SMS: variants seen among roughly 807,000 people sequenced by gnomAD.
The protein encoded by SMS is spermidine aminopropyltransferase.
Under a neutral mutation model 33.0 loss-of-function variants are expected in SMS, and 3 were observed. That is an observed-to-expected ratio of 0.09 (90% CI 0.04 to 0.23). SMS has a LOEUF of 0.23. Ranked by LOEUF, SMS falls within the 10% of genes least tolerant of loss-of-function variation. The pLI, the probability that SMS is intolerant of heterozygous loss-of-function variation, is 1.00. For synonymous variants in SMS, 103 were observed against 112.2 expected (o/e 0.92, Z 0.52); for missense variants, 117 against 288.6 (o/e 0.41, Z 4.31).
chrX:21,944,920 G>C, intron 1 of SMS, among the ~76,000 whole-genome samples: 1 of 107,925 alleles, frequency 9.3e-6, no homozygotes, highest in Admixed American at 9.6e-5. Flanking sequence ...TGGAGGTTAC[G>C]CTGAGCCCAG....
chrX:21,941,933 AAG>A (rs886893071), intron 1 of SMS, among the ~76,000 whole-genome samples: 2 of 100,607 alleles, frequency 2.0e-5, no homozygotes, highest in Admixed American at 1.1e-4. Context: ...ACCCGACCAG[AAG>A]AGAGAGGCCT....
intron 4 of SMS, 86 bp downstream of exon 4, chrX:21,972,657 C>A: frequency 1.5e-6 from 1 of 662,806 alleles, no homozygotes; most frequent in South Asian, 2.3e-5. Context: ...ACCTGTAATC[C>A]CAGCAATTTA....
At chrX:21,979,574 G>A (rs5904498) in intron 7 of SMS, among the ~76,000 whole-genome samples, 1,727 of 111,299 alleles carry the variant, frequency 0.016, 15 homozygotes, top group Non-Finnish European at 0.022. Context: ...TGGCATATAT[G>A]TGCCACATTT....
At position 21,940,743 on chromosome X, in the gene SMS, C is replaced by T; in HGVS notation, c.-82C>T. On this transcript the variant is annotated 5_prime_UTR_variant, in exon 1 of 11. Coordinates refer to ENST00000404933, the MANE Select transcript of SMS (RefSeq NM_004595.5). ...CTCCCCGGGCGCAGCACACTCCCAG[C>T]CGGCCGCAGCCTGACACGCCGCGCG... is the stretch of plus-strand genomic sequence containing the variant. 2 of 831,518 alleles carry T rather than the reference C, an allele frequency of 2.4e-6. No individual in the cohort carries two copies. The highest frequency in any genetic ancestry group is 2.2e-5 in the African/African-American group (1 of 46,498). 68.5% of individuals were successfully genotyped at this position (831,518 alleles called of 1,213,427 possible). A position where few individuals can be genotyped will look rare whatever the true frequency, so the allele number is the denominator to read the frequency against.
chrX:21,991,422 A>G (rs1161155758), intron 9 of SMS, among the ~76,000 whole-genome samples: 1 of 111,467 alleles, frequency 9.0e-6, no homozygotes, highest in African/African-American at 3.3e-5. Context: ...CAGGTGATCC[A>G]CCTGCCTCAG....
intron 2 of SMS, among the ~76,000 whole-genome samples, chrX:21,967,991 C>CT (rs1923863945): frequency 8.9e-6 from 1 of 112,506 alleles, no homozygotes; most frequent in Non-Finnish European, 1.9e-5. Flanking sequence ...ATCGGAGGGG[C>CT]TGGGGTCCAG....
chrX:21,966,251 A>T (rs1923713594), intron 1 of SMS, among the ~76,000 whole-genome samples: 1 of 112,151 alleles, frequency 8.9e-6, no homozygotes, highest in Non-Finnish European at 1.9e-5. Flanking sequence ...TTTCATTTTG[A>T]TATTTTTCCC....
intron 2 of SMS, among the ~76,000 whole-genome samples, chrX:21,968,300 G>C (rs749955442): frequency 2.7e-5 from 3 of 112,265 alleles, no homozygotes; most frequent in Middle Eastern, 8.4e-3. Context: ...GGGGAGCCCA[G>C]GTCCCTTCTC....
chrX:21,955,713 A>G (rs1305885512), intron 1 of SMS, among the ~76,000 whole-genome samples: 2 of 111,499 alleles, frequency 1.8e-5, no homozygotes, highest in Non-Finnish European at 1.9e-5. Flanking sequence ...TTCTCAAAAA[A>G]CATGGTCCTT....
chrX:21,947,294 C>T (rs1479614720), intron 1 of SMS, among the ~76,000 whole-genome samples: 1 of 111,294 alleles, frequency 9.0e-6, no homozygotes, highest in Non-Finnish European at 1.9e-5. Flanking sequence ...TGCAGCCTTT[C>T]GGGGCTGATG....
At chrX:21,941,933 A>T (rs1921837161) in intron 1 of SMS, among the ~76,000 whole-genome samples, 1 of 100,612 alleles carries the variant, frequency 9.9e-6, no homozygotes, top group African/African-American at 3.7e-5. Context: ...ACCCGACCAG[A>T]AGAGAGAGGC....
chrX:21,965,244 A>G (rs1178399473), intron 1 of SMS, among the ~76,000 whole-genome samples: 1 of 112,001 alleles, frequency 8.9e-6, no homozygotes, highest in Non-Finnish European at 1.9e-5. Context: ...GGAGATTAAG[A>G]TGTGGATATA....
intron 1 of SMS, among the ~76,000 whole-genome samples, chrX:21,964,892 C>G (rs1008510742): frequency 1.9e-4 from 21 of 112,015 alleles, no homozygotes; most frequent in South Asian, 3.7e-4. Context: ...GATGTATTCT[C>G]TCACAGCTCT....
intron 7 of SMS, among the ~76,000 whole-genome samples, chrX:21,982,208 G>A (rs1053349081): frequency 9.3e-6 from 1 of 108,039 alleles, no homozygotes; most frequent in Non-Finnish European, 1.9e-5. Context: ...CGTGGTGGCG[G>A]GCACCTGTAG....
intron 1 of SMS, among the ~76,000 whole-genome samples, chrX:21,958,332 G>A (rs955924657): frequency 3.6e-5 from 4 of 112,094 alleles, no homozygotes; most frequent in African/African-American, 9.7e-5. Context: ...TTTCTTCTAC[G>A]TGTGGCTTGC....
chrX:21,972,451 T>A (rs1175193264), intron 3 of SMS, 56 bp from the exon 4 acceptor site: 1 of 814,026 alleles, frequency 1.2e-6, no homozygotes, highest in African/African-American at 2.0e-5. Context: ...GGTCTGTAAT[T>A]TAGTTCTTCC....
intron 1 of SMS, among the ~76,000 whole-genome samples, chrX:21,953,565 C>A (rs921570591): frequency 1.8e-5 from 2 of 112,048 alleles, no homozygotes; most frequent in Non-Finnish European, 1.9e-5. Flanking sequence ...TCTTTCTCAG[C>A]GGGAACTGGG....
intron 1 of SMS, among the ~76,000 whole-genome samples, chrX:21,949,494 G>A (rs1411775299): frequency 1.8e-5 from 2 of 112,061 alleles, no homozygotes; most frequent in Non-Finnish European, 3.8e-5. Flanking sequence ...CCTGTGTTTT[G>A]AAGGTTGGTC....
intron 1 of SMS, among the ~76,000 whole-genome samples, chrX:21,965,482 T>C (rs186522558): frequency 3.5e-3 from 365 of 105,593 alleles, no homozygotes; most frequent in African/African-American, 0.012. Flanking sequence ...ACCAAAAATG[T>C]ACAAAAATTA....
Sources: gnomAD v4.1 joint callset for allele counts (sites outside exome capture counted in the v4.1 genomes callset) on GRCh38, gnomAD v4.1.1 for gene constraint, MANE v1.5 for transcripts, NCBI Gene and HGNC (gene_info 2026-07-23, HGNC 2026-07-21) for gene names.